VPS53: variants seen among roughly 807,000 people sequenced by gnomAD.
The protein encoded by VPS53 is VPS53 subunit of GARP complex.
A neutral mutation model predicts 107.0 loss-of-function variants in VPS53; 70 were observed. The ratio of observed to expected loss-of-function variants is 0.65; its 90% CI spans 0.54 to 0.80. The LOEUF is 0.80. Among genes scored for constraint, VPS53 ranks in the 30% least tolerant of loss-of-function variants. The pLI is 0.00. For synonymous variants in VPS53, 409 were observed against 393.3 expected, an observed-to-expected ratio of 1.04 and a Z score of -0.47; for missense variants, 917 against 1,049.4, an observed-to-expected ratio of 0.87 and a Z score of 1.74.
chr17:512,231 G>A lies in VPS53; in HGVS notation c.*6897C>T, dbSNP rs765129263. On this transcript the variant is annotated 3_prime_UTR_variant, in exon 22 of 22. Transcript: ENST00000437048. ...GACAGCCACAGGCTCCCGCCCACAA[G>A]TGATCACGAACACACTTCACACTGC... 3 of 152,258 alleles carry A rather than the reference G, an allele frequency of 2.0e-5. No homozygotes were observed. The highest frequency in any genetic ancestry group is 1.9e-4 in the East Asian group (1 of 5,200). 9.4% of individuals were successfully genotyped at this position (152,258 alleles called of 1,614,324 possible).
intron 12 of VPS53, among the ~76,000 whole-genome samples, chr17:587,208 A>G (rs2143000836): frequency 6.6e-6 from 1 of 152,206 alleles, no homozygotes; most frequent in East Asian, 1.9e-4. Flanking sequence ...GACTATAGGC[A>G]CACGCCACCA....
Position 553,408 on chromosome 17 carries a change from G to C in VPS53, c.1759C>G (p.Leu587Val). The part of the protein sequence containing the change: ...VDVSLIERIN[L>V]TGEMDTFSTV... ...CTGAACGTGTCCATCTCTCCAGTCA[G>C]ATTGATTCGTTCAATCAGACTTACA... Residue 587 changes from leucine to valine, a missense_variant, in exon 16 of 22, where the codon CTG becomes GTG. By Grantham distance (32) the Leu-to-Val change is conservative. Transcript: ENST00000437048. The C allele has an allele frequency of 6.2e-7, 1 of 1,614,106 alleles. No individual in the cohort carries two copies. The highest frequency in any genetic ancestry group is 8.5e-7 in the Non-Finnish European group (1 of 1,180,038).
intron 19 of VPS53, among the ~76,000 whole-genome samples, chr17:525,996 CAAAAAAAAAAAAA>C (rs10677094): frequency 1.3e-5 from 1 of 74,686 alleles, no homozygotes; most frequent in African/African-American, 5.4e-5. Context: ...GACATTTTCT[CAAAAAAAAAAAAA>C]AAAAAAAAAA....
chr17:571,545 C>CT (rs1567636786), intron 13 of VPS53, among the ~76,000 whole-genome samples: 146 of 134,514 alleles, frequency 1.1e-3, no homozygotes, highest in African/African-American at 2.9e-3. Context: ...CTCCCTCTCC[C>CT]CACGGTCTCC....
chr17:527,817 G>A (rs1909239658), intron 19 of VPS53, among the ~76,000 whole-genome samples: 1 of 152,136 alleles, frequency 6.6e-6, no homozygotes, highest in African/African-American at 2.4e-5. Context: ...TCGCTGTGTT[G>A]CCCAGGCTGA....
intron 13 of VPS53, among the ~76,000 whole-genome samples, chr17:574,445 G>T (rs1914434780): frequency 1.3e-5 from 2 of 152,188 alleles, no homozygotes; most frequent in Admixed American, 1.3e-4. Flanking sequence ...GGGAAAGGAT[G>T]TGGCTACCTC....
chr17:522,649 A>T (rs1908839912), intron 19 of VPS53, among the ~76,000 whole-genome samples: 2 of 152,234 alleles, frequency 1.3e-5, no homozygotes, highest in South Asian at 4.1e-4. Context: ...TTTTACTTTG[A>T]ATTTCTCTGG....
At chr17:537,211 C>G (rs368149974) in intron 17 of VPS53, 35 bp from the exon 18 acceptor site, 15 of 1,609,008 alleles carry the variant, frequency 9.3e-6, no homozygotes, top group Non-Finnish European at 1.2e-5. Context: ...TTGAATCCCT[C>G]GCAGGAGAAC....
chr17:635,305 C>G (rs1380176186), intron 7 of VPS53, among the ~76,000 whole-genome samples: 1 of 152,168 alleles, frequency 6.6e-6, no homozygotes, highest in African/African-American at 2.4e-5. Flanking sequence ...AGCCCTTCAT[C>G]AGATGAGTAG....
At chr17:571,303 G>GAAGAGGAAAAAGAAA (rs1914030555) in intron 13 of VPS53, among the ~76,000 whole-genome samples, 1 of 151,626 alleles carries the variant, frequency 6.6e-6, no homozygotes, top group African/African-American at 2.4e-5. Flanking sequence ...AGAAAAAGAA[G>GAAGAGGAAAAAGAAA]GAAGAGAAAA....
intron 13 of VPS53, among the ~76,000 whole-genome samples, chr17:567,832 T>G (rs1166182319): frequency 6.8e-6 from 1 of 147,436 alleles, no homozygotes; most frequent in Admixed American, 6.9e-5. Flanking sequence ...GAGGTTACAG[T>G]GAGCTATAAT....
chr17:532,741 C>G (rs1033592109), intron 19 of VPS53, 101 bp downstream of exon 19: 4 of 1,530,730 alleles, frequency 2.6e-6, no homozygotes, highest in Non-Finnish European at 3.5e-6. Flanking sequence ...CAGGGGACAT[C>G]ATCAATTTTA....
chr17:593,181 C>CA (rs1387812602), intron 12 of VPS53, among the ~76,000 whole-genome samples: 1 of 151,982 alleles, frequency 6.6e-6, no homozygotes, highest in Non-Finnish European at 1.5e-5. Context: ...AAGACTTAAA[C>CA]GTTAGACCTA....
chr17:714,578 C>T lies in VPS53; in HGVS notation c.87+45G>A, dbSNP rs1427929042. On this transcript the variant is annotated intron_variant, in intron 1 of 21. Coordinates refer to ENST00000437048, the MANE Select transcript of VPS53 (RefSeq NM_001128159.3). ...CCCCAGCGCCCGGAGCTGCCGTCTC[C>T]CCTCCCGCACTCCCGTTTCCCCTCC... 4 of 1,563,774 alleles carry T rather than the reference C, an allele frequency of 2.6e-6. No homozygotes were observed. In the East Asian group the frequency reaches 7.1e-5, roughly 28 times the overall value.
chr17:621,484 A>G (rs1969464987), intron 11 of VPS53, among the ~76,000 whole-genome samples: 1 of 152,134 alleles, frequency 6.6e-6, no homozygotes, highest in South Asian at 2.1e-4. Context: ...GCATATTTAC[A>G]TTTCTGAAAG....
At chr17:598,390 G>A (rs1232840672) in intron 12 of VPS53, among the ~76,000 whole-genome samples, 2 of 144,244 alleles carry the variant, frequency 1.4e-5, no homozygotes, top group South Asian at 2.3e-4. Flanking sequence ...CACCCCGTCT[G>A]GGAAGTGAGA....
chr17:604,407 T>A (rs1048672910), intron 11 of VPS53, among the ~76,000 whole-genome samples: 4 of 152,024 alleles, frequency 2.6e-5, no homozygotes, highest in Non-Finnish European at 5.9e-5. Context: ...TTGAACCTAC[T>A]CTCGCCGGTG....
chr17:563,287 C>CTTTTTTT (rs36076034), intron 13 of VPS53, among the ~76,000 whole-genome samples: 10 of 103,296 alleles, frequency 9.7e-5, no homozygotes, highest in African/African-American at 2.0e-4. Flanking sequence ...ACTTCATTTC[C>CTTTTTTT]TTTTTTTTTT....
At chr17:567,295 T>C (rs964193411) in intron 13 of VPS53, among the ~76,000 whole-genome samples, 3 of 152,208 alleles carry the variant, frequency 2.0e-5, no homozygotes, top group Non-Finnish European at 4.4e-5. Context: ...ACTTCTGACA[T>C]TGTTCTTTCA....
Sources: allele counts gnomAD v4.1 joint callset (sites outside exome capture counted in the v4.1 genomes callset), GRCh38; gene constraint gnomAD v4.1.1; transcripts MANE v1.5; gene names NCBI Gene and HGNC (gene_info 2026-07-23, HGNC 2026-07-21).